The following FOXP1 variants were observed in gnomAD, a reference collection of about 807,000 sequenced individuals.
FOXP1 encodes forkhead box P1, also known as forkhead box protein P1.
Under a neutral mutation model 98.2 loss-of-function variants are expected in FOXP1, and 15 were observed. The observed-to-expected ratio is 0.15, with a 90% CI of 0.10 to 0.24. The LOEUF (loss-of-function observed/expected upper bound fraction) is 0.24. Ranked by LOEUF, FOXP1 falls within the 10% of genes least tolerant of loss-of-function variation. The probability of loss-of-function intolerance (pLI) is 1.00; values close to 1 mark genes in which losing one functional copy is unlikely to be tolerated. For synonymous variants in FOXP1, 371 were observed against 314.5 expected, an observed-to-expected ratio of 1.18 and a Z score of -1.90; for missense variants, 633 against 848.5, an observed-to-expected ratio of 0.75 and a Z score of 3.15.
intron 3 of FOXP1, among the ~76,000 whole-genome samples, chr3:71,421,457 C>T (rs1477773657): frequency 6.6e-6 from 1 of 152,092 alleles, no homozygotes; most frequent in East Asian, 1.9e-4. Flanking sequence ...AATAAGAACA[C>T]CAAAATCGCT....
intron 7 of FOXP1, among the ~76,000 whole-genome samples, chr3:71,080,282 G>T (rs1354273445): frequency 6.6e-6 from 1 of 152,130 alleles, no homozygotes. Context: ...AGTGCCGGTG[G>T]AATAATTTTA....
chr3:70,983,161 A>C (rs1215097416), intron 14 of FOXP1, among the ~76,000 whole-genome samples: 4 of 149,792 alleles, frequency 2.7e-5, no homozygotes, highest in African/African-American at 1.0e-4. Context: ...CCTTTCCTTT[A>C]CCATCTCAGC....
chr3:71,197,871 A>G (rs1452418352), intron 6 of FOXP1: 1 of 1,613,610 alleles, frequency 6.2e-7, no homozygotes, highest in Non-Finnish European at 8.5e-7. Flanking sequence ...GCATGAAAGC[A>G]GTGGGAACCA....
chr3:71,574,120 G>A (rs1174195817), intron 2 of FOXP1: 1 of 152,080 alleles, frequency 6.6e-6, no homozygotes, highest in Non-Finnish European at 1.5e-5. Context: ...TTTTTTAAGT[G>A]CCTCAGGGTC....
intron 6 of FOXP1, among the ~76,000 whole-genome samples, chr3:71,137,405 C>CT (rs2059870758): frequency 6.6e-6 from 1 of 152,178 alleles, no homozygotes; most frequent in South Asian, 2.1e-4. Context: ...TTTCACTTCA[C>CT]TTGCTCACTT....
In FOXP1 at chr3:71,505,866, G is replaced by A. The variant is rs369996259; in HGVS notation, c.-297-12311C>T. On this transcript the variant is annotated intron_variant, in intron 2 of 20. Coordinates refer to ENST00000649528, the MANE Select transcript of FOXP1 (RefSeq NM_001349338.3). Reference sequence around the variant, plus strand: ...TGTCACCTGTCACTAAAGTCTAAAGGATGAGATTATCACTTCCGCCCGGAA... The same window carrying A: ...TGTCACCTGTCACTAAAGTCTAAAGAATGAGATTATCACTTCCGCCCGGAA... Among the ~76,000 whole-genome samples, 27 of 152,220 alleles carry A rather than the reference G, an allele frequency of 1.8e-4. No individual in the cohort carries two copies. In the East Asian group the frequency reaches 3.5e-3, roughly 20 times the overall value.
rs561152536 is a variant in FOXP1 at position 71,103,960 on chromosome 3, A to C, written c.282+8576T>G. 3.0e-4 allele frequency among the ~76,000 whole-genome samples: 46 copies of C among 151,174 alleles called. No homozygotes were observed. The East Asian group carries it at 3.3e-3, about 11-fold the overall frequency. ...AATCAACTTAAGATGTTCCCCCCCC[A>C]AAAAAAGAGAGAGGCTTTAATTTTC... On this transcript the variant is annotated intron_variant, in intron 7 of 20. Transcript: ENST00000649528.
chr3:71,373,436 A>G (rs930928466), intron 3 of FOXP1, among the ~76,000 whole-genome samples: 1 of 152,212 alleles, frequency 6.6e-6, no homozygotes, highest in Admixed American at 6.5e-5. Flanking sequence ...GTTCAACAGA[A>G]TATAGGATCA....
At chr3:71,171,231 T>C (rs2108217529) in intron 6 of FOXP1, among the ~76,000 whole-genome samples, 1 of 152,224 alleles carries the variant, frequency 6.6e-6, no homozygotes, top group African/African-American at 2.4e-5. Context: ...AGGGGTTAAA[T>C]ATGCAATTAC....
In FOXP1 at chr3:71,002,923, A is replaced by G. The variant is rs1433885861; in HGVS notation, c.975-1864T>C. Among the ~76,000 whole-genome samples the G allele has an allele frequency of 9.2e-5, 14 of 152,192 alleles. No homozygotes were observed. The South Asian group carries it at 2.7e-3, about 29-fold the overall frequency. On this transcript the variant is annotated intron_variant, in intron 12 of 20. Transcript: ENST00000649528. ...AAAGAAAGAGGCTTTCATTCTAATA[A>G]GCTGTCACCAATGAAACAAGACCAC...
At chr3:71,368,704 G>A (rs2079086403) in intron 3 of FOXP1, among the ~76,000 whole-genome samples, 1 of 152,088 alleles carries the variant, frequency 6.6e-6, no homozygotes, top group African/African-American at 2.4e-5. Context: ...AATTTCACTG[G>A]CATTTATACA....
At chr3:71,034,070 C>CAGCA (rs897647220) in intron 11 of FOXP1, among the ~76,000 whole-genome samples, 1 of 152,160 alleles carries the variant, frequency 6.6e-6, no homozygotes, top group Admixed American at 6.5e-5. Flanking sequence ...AAGACATGCC[C>CAGCA]AGCACGCCCT....
rs6549399 is a variant in FOXP1, at chr3:71,550,906, C to T, written c.-298+30643G>A. On this transcript the variant is annotated intron_variant, in intron 2 of 20. Coordinates refer to ENST00000649528, the MANE Select transcript of FOXP1 (RefSeq NM_001349338.3). The stretch of plus-strand genomic sequence containing the variant: ...TTCAAACAGAAGGCACTCTCTGCGG[C>T]TCCTCCTCAGACACGATGAAGCCGC... Among the ~76,000 whole-genome samples the T allele has an allele frequency of 6.1e-3, 923 of 152,336 alleles. 9 individuals are homozygous for T. Among genetic ancestry groups the T allele is most frequent in the African/African-American group, 0.021 (854 of 41,568 alleles).
At chr3:70,991,160 T>G (rs116133814) in intron 13 of FOXP1, among the ~76,000 whole-genome samples, 501 of 152,240 alleles carry the variant, frequency 3.3e-3, no homozygotes, top group African/African-American at 0.011. Flanking sequence ...CAATGGAGTT[T>G]GCAGTTGGGC....
intron 12 of FOXP1, among the ~76,000 whole-genome samples, chr3:71,012,751 T>C (rs374982479): frequency 6.6e-6 from 1 of 151,830 alleles, no homozygotes; most frequent in African/African-American, 2.4e-5. Flanking sequence ...ACTGGAGACC[T>C]GCACATAAAT....
rs1375717320 is a variant in FOXP1, at chr3:71,319,051, T to C, written c.-72-19171A>G. 2.0e-5 allele frequency among the ~76,000 whole-genome samples: 3 copies of C among 152,222 alleles called. No homozygotes were observed. The East Asian group carries it at 5.8e-4, about 29-fold the overall frequency. On this transcript the variant is annotated intron_variant, in intron 4 of 20. Coordinates refer to ENST00000649528, the MANE Select transcript of FOXP1 (RefSeq NM_001349338.3). ...CATTTCAAAGTGACTCTGTTCCCTA[T>C]AGTTGTACTGGAAGTCGTGATTTTG...
intron 17 of FOXP1, among the ~76,000 whole-genome samples, chr3:70,973,231 A>AC (rs1249154910): frequency 2.9e-5 from 4 of 136,118 alleles, no homozygotes; most frequent in African/African-American, 8.5e-5. Flanking sequence ...TGGTGAACGG[A>AC]CCCCCCGCCC....
chr3:71,280,892 A>T (rs2107405930), intron 5 of FOXP1, among the ~76,000 whole-genome samples: 1 of 152,188 alleles, frequency 6.6e-6, no homozygotes, highest in East Asian at 1.9e-4. Flanking sequence ...AGGTAAAGAA[A>T]AATTAAACTG....
chr3:71,091,537 A>AACC (rs2055848444), intron 7 of FOXP1, among the ~76,000 whole-genome samples: 1 of 151,968 alleles, frequency 6.6e-6, no homozygotes, highest in African/African-American at 2.4e-5. Context: ...CAAAAAAAAA[A>AACC]CTGAGCTTTA....
Sources: gnomAD v4.1 joint callset for allele counts (sites outside exome capture counted in the v4.1 genomes callset) on GRCh38, gnomAD v4.1.1 for gene constraint, MANE v1.5 for transcripts, NCBI Gene and HGNC (gene_info 2026-07-23, HGNC 2026-07-21) for gene names.